CPSF3: variants seen among roughly 807,000 people sequenced by gnomAD.
The protein encoded by CPSF3 is cleavage and polyadenylation specificity factor subunit 3.
A neutral mutation model predicts 84.1 loss-of-function variants in CPSF3; 57 were observed. That is an observed-to-expected ratio of 0.68 (90% CI 0.55 to 0.85). The LOEUF (loss-of-function observed/expected upper bound fraction) is 0.85. Among genes scored for constraint, CPSF3 ranks in the 40% least tolerant of loss-of-function variants. The pLI is 0.00. For missense variants in CPSF3, 522 were observed against 838.8 expected (o/e 0.62, Z 4.66); for synonymous variants, 275 against 278.1 (o/e 0.99, Z 0.11).
intron 15 of CPSF3, among the ~76,000 whole-genome samples, chr2:9,466,238 G>A (rs558630525): frequency 2.4e-4 from 30 of 123,400 alleles, no homozygotes; most frequent in African/African-American, 6.5e-4. Context: ...ACACACGTGC[G>A]CGCACGCACG....
intron 14 of CPSF3, among the ~76,000 whole-genome samples, chr2:9,457,429 C>A (rs1404338295): frequency 6.6e-6 from 1 of 151,728 alleles, no homozygotes; most frequent in African/African-American, 2.4e-5. Context: ...AGGTACCACT[C>A]GTTAAAAGAG....
chr2:9,450,000 C>T (rs1681258612), intron 11 of CPSF3, among the ~76,000 whole-genome samples: 1 of 151,920 alleles, frequency 6.6e-6, no homozygotes, highest in South Asian at 2.1e-4. Flanking sequence ...CTCCCATGTT[C>T]TGTTTTTTTG....
chr2:9,464,069 A>ATGTGTGTG (rs59473921), intron 15 of CPSF3, among the ~76,000 whole-genome samples: 2 of 149,118 alleles, frequency 1.3e-5, no homozygotes, highest in African/African-American at 4.9e-5. Flanking sequence ...TCTGTGGTGT[A>ATGTGTGTG]TGTGTGTGTG....
At chr2:9,462,313 G>A (rs1364092499) in intron 15 of CPSF3, among the ~76,000 whole-genome samples, 1 of 152,220 alleles carries the variant, frequency 6.6e-6, no homozygotes, top group African/African-American at 2.4e-5. Context: ...TTTATAAAAT[G>A]AAGTCTTTTT....
At chr2:9,434,105 G>T in intron 6 of CPSF3, 145 bp downstream of exon 6, 1 of 547,766 alleles carries the variant, frequency 1.8e-6, no homozygotes, top group Non-Finnish European at 3.2e-6. Context: ...TGGTGGCCGG[G>T]CACGGTGGCT....
intron 14 of CPSF3, among the ~76,000 whole-genome samples, chr2:9,458,681 A>G (rs1558462567): frequency 6.6e-6 from 1 of 152,002 alleles, no homozygotes; most frequent in East Asian, 1.9e-4. Context: ...TCATTCATTC[A>G]TTCATTCATT....
At chr2:9,430,995 T>C (rs907331161) in intron 4 of CPSF3, 115 bp downstream of exon 4, 17 of 720,542 alleles carry the variant, frequency 2.4e-5, no homozygotes, top group Non-Finnish European at 3.9e-5. Context: ...TATAAGGATA[T>C]CAGTAATTTC....
intron 16 of CPSF3, among the ~76,000 whole-genome samples, chr2:9,468,558 A>G (rs1473730310): frequency 6.6e-6 from 1 of 151,206 alleles, no homozygotes; most frequent in Non-Finnish European, 1.5e-5. Context: ...CTGCTAGTTT[A>G]GAAGGCTTTT....
intron 1 of CPSF3, among the ~76,000 whole-genome samples, chr2:9,425,662 T>C (rs1572762056): frequency 6.6e-6 from 1 of 152,164 alleles, no homozygotes; most frequent in Non-Finnish European, 1.5e-5. Flanking sequence ...GGTAGTGTTA[T>C]TCACTCAAGG....
intron 6 of CPSF3, among the ~76,000 whole-genome samples, chr2:9,434,549 T>C (rs1019033103): frequency 6.6e-6 from 1 of 152,240 alleles, no homozygotes; most frequent in Non-Finnish European, 1.5e-5. Flanking sequence ...CTTCTAAATA[T>C]ATATTTCTAG....
chr2:9,455,632 T>TATTTGTAGGA, intron 12 of CPSF3, 27 bp from the exon 13 acceptor site: 1 of 1,522,744 alleles, frequency 6.6e-7, no homozygotes, highest in Non-Finnish European at 9.1e-7. Context: ...TAGTATTTCT[T>TATTTGTAGGA]CAAGTCTCTT....
At position 9,443,651 on chromosome 2, in the gene CPSF3, C is replaced by T. The variant is rs1001012105; in HGVS notation, c.1232C>T (p.Pro411Leu). The T allele has an allele frequency of 1.5e-5, 24 of 1,613,816 alleles. No homozygotes were observed. The highest frequency in any genetic ancestry group is 4.0e-5 in the African/African-American group (3 of 74,882). The change falls in exon 10 of 18, where the codon CCG becomes CTG. Residue 411 changes from proline (P) to leucine (L), a missense_variant. Transcript: ENST00000238112. ...QTSEFIRALKPPHVILVHGEQ... is the reference protein window; with the variant it reads ...QTSEFIRALKLPHVILVHGEQ... ...AGTGAATTTATTCGTGCTTTGAAAC[C>T]GCCTCATGTGGTTAGTCTATGAATT... is the stretch of plus-strand genomic sequence containing the variant.
At chr2:9,425,805 T>A (rs1680370089) in intron 1 of CPSF3, among the ~76,000 whole-genome samples, 1 of 152,026 alleles carries the variant, frequency 6.6e-6, no homozygotes. Flanking sequence ...AGAGTATAAT[T>A]CAGTCGTTCT....
chr2:9,450,148 T>C (rs1438302810), intron 11 of CPSF3, among the ~76,000 whole-genome samples: 18 of 118,940 alleles, frequency 1.5e-4, no homozygotes, highest in African/African-American at 5.9e-4. Context: ...CAGGCACAAA[T>C]TTTTTTTTTT....
Position 9,466,222 on chromosome 2 carries a change from GCA to G in CPSF3, c.1787-1475_1787-1474del, listed in dbSNP as rs373461180. 4.9e-3 allele frequency among the ~76,000 whole-genome samples: 650 copies of G among 132,770 alleles called. 1 individual carries two copies. The highest frequency in any genetic ancestry group is 0.018 in the East Asian group (76 of 4,338). The allele number at this position is 132,770 out of a possible 152,430, so 87.1% of individuals were successfully genotyped here. On this transcript the variant is annotated intron_variant, in intron 15 of 17. Coordinates refer to ENST00000238112, the MANE Select transcript of CPSF3 (RefSeq NM_016207.4). ...CACACACACACGCGCACACACGCAC[GCA>G]CACACACACGTGCGCGCACGCACGC...
Position 9,454,157 on chromosome 2 carries a change from C to T in CPSF3, c.1504+1136C>T, listed in dbSNP as rs1277052619. ...CGGCACGGTGGCTCACGCCTGTAAT[C>T]CCAGCACTTTGGGAGGTCGAGGTGG... On this transcript the variant is annotated intron_variant, in intron 12 of 17. Transcript: ENST00000238112. Among the ~76,000 whole-genome samples the T allele has an allele frequency of 2.6e-5, 4 of 152,108 alleles. No individual in the cohort carries two copies. The East Asian group carries it at 7.7e-4, about 29-fold the overall frequency.
intron 1 of CPSF3, among the ~76,000 whole-genome samples, chr2:9,428,088 C>G (rs1318146284): frequency 2.0e-5 from 3 of 151,850 alleles, no homozygotes; most frequent in Non-Finnish European, 2.9e-5. Flanking sequence ...GCTCCGCCTC[C>G]TGGGTTCACA....
intron 15 of CPSF3, among the ~76,000 whole-genome samples, chr2:9,466,332 ACGCACACACGCGCGCGCG>A (rs1681953786): frequency 8.3e-6 from 1 of 120,556 alleles, no homozygotes; most frequent in Non-Finnish European, 1.8e-5. Context: ...ACACAGACGC[ACGCACACACGCGCGCGCG>A]CGCACACACA....
intron 4 of CPSF3, among the ~76,000 whole-genome samples, 169 bp from the exon 5 acceptor site, chr2:9,432,342 A>G (rs537340817): frequency 1.3e-4 from 12 of 93,996 alleles, no homozygotes; most frequent in Admixed American, 1.0e-3. Context: ...CACACAATAG[A>G]GTAAAAAAAA....
Sources: allele counts gnomAD v4.1 joint callset (sites outside exome capture counted in the v4.1 genomes callset), GRCh38; gene constraint gnomAD v4.1.1; transcripts MANE v1.5; gene names NCBI Gene and HGNC (gene_info 2026-07-23, HGNC 2026-07-21).